The following HMGXB3 variants were observed in gnomAD, a reference collection of about 807,000 sequenced individuals.
HMGXB3 encodes the protein HMG-box containing 3.
HMGXB3 carries 45 observed loss-of-function variants against 121.5 expected under a neutral mutation model. The observed-to-expected ratio is 0.37, with a 90% CI of 0.29 to 0.47. The LOEUF (loss-of-function observed/expected upper bound fraction) is 0.47. HMGXB3 is among the 20% of genes least tolerant of loss of function. The pLI, the probability that HMGXB3 is intolerant of heterozygous loss-of-function variation, is 0.99. For missense variants in HMGXB3, 1,376 were observed against 1,602.2 expected (o/e 0.86, Z 2.41); for synonymous variants, 590 against 624.1 (o/e 0.95, Z 0.81).
chr5:150,027,077 G>T lies in HMGXB3; in HGVS notation c.1694G>T (p.Gly565Val), dbSNP rs899375947. 3 of 1,551,554 alleles carry T rather than the reference G, an allele frequency of 1.9e-6. No individual in the cohort carries two copies. In the African/African-American group the frequency reaches 4.1e-5, roughly 21 times the overall value. The change falls in exon 9 of 20, where the codon GGC becomes GTC. Residue 565 changes from glycine (G) to valine (V), a missense_variant. By Grantham distance (109) the Gly-to-Val change is moderately radical. Transcript: ENST00000502717. ...AAGCCAAGCACACTGAAGCAGCTGG[G>T]CCAGCCCATTCAACAGCCATCTGGC... ...GLKPSTLKQL[G>V]QPIQQPSGPG...
intron 6 of HMGXB3, among the ~76,000 whole-genome samples, chr5:150,023,269 G>A (rs918172244): frequency 6.6e-6 from 1 of 152,052 alleles, no homozygotes; most frequent in Non-Finnish European, 1.5e-5. Context: ...TAATGTGCAG[G>A]GAGGTCCTAC....
At chr5:150,011,081 C>T (rs1480310725) in intron 4 of HMGXB3, among the ~76,000 whole-genome samples, 1 of 152,204 alleles carries the variant, frequency 6.6e-6, no homozygotes, top group African/African-American at 2.4e-5. Flanking sequence ...GCTTGTCCAT[C>T]ACACTGGCTC....
intron 1 of HMGXB3, among the ~76,000 whole-genome samples, chr5:150,001,711 T>A (rs1203383425): frequency 6.6e-6 from 1 of 152,172 alleles, no homozygotes; most frequent in Non-Finnish European, 1.5e-5. Flanking sequence ...GCCTCGAGTC[T>A]GATAACAAAC....
intron 5 of HMGXB3, chr5:150,015,007 A>C: frequency 1.5e-6 from 1 of 677,264 alleles, no homozygotes; most frequent in Non-Finnish European, 2.2e-6. Context: ...TGCGAATACC[A>C]AACCACCAAT....
chr5:150,036,767 G>C lies in HMGXB3; in HGVS notation c.2115G>C (p.Glu705Asp). Residue 705 changes from glutamate (E) to aspartate (D), a missense_variant, in exon 12 of 20, where the codon GAG (glutamate) becomes GAC (aspartate). This residue lies in a region of HMGXB3 where 1,116 missense variants were observed against 1,369.0 expected (regional missense o/e 0.82). Transcript: ENST00000502717. ...TGCAGATTCCTGAGAATGAGTCAGA[G>C]CTGGCTGAGGTCTTCGCCTTGATTC... The part of the protein sequence containing the change: ...KVLQIPENES[E>D]LAEVFALIHE... 1 of 1,551,756 alleles carries C rather than the reference G, an allele frequency of 6.4e-7. No individual in the cohort carries two copies. The highest frequency in any genetic ancestry group is 8.7e-7 in the Non-Finnish European group (1 of 1,147,018).
Position 150,010,237 on chromosome 5 carries a change from C to T in HMGXB3, c.439C>T (p.Leu147=), listed in dbSNP as rs1444447010. The T allele has an allele frequency of 6.4e-7, 1 of 1,551,912 alleles. No homozygotes were observed. Among genetic ancestry groups the T allele is most frequent in the South Asian group, 1.2e-5 (1 of 84,060 alleles). The change falls in exon 4 of 20, where the codon CTA becomes TTA. Residue 147 remains leucine, a synonymous_variant. Transcript: ENST00000502717. ...SLQEDRSCPQ[L]ELCVAQNQMS... is the part of the protein sequence containing the mutation. ...GCAGGAGGACCGGAGCTGCCCTCAG[C>T]TAGAGCTATGTGTGGCTCAGAACCA...
chr5:150,050,279 C>A lies in HMGXB3; in HGVS notation c.3229C>A (p.Arg1077=), dbSNP rs1220466547. Residue 1077 remains arginine (R), a synonymous_variant, in exon 19 of 20, where the codon CGA becomes AGA. Transcript: ENST00000502717. ...GGTCTGCGGCTCCAAGTATCTTGTG[C>A]GAGGTGAGAGTGCCCGTGACCATGT... ...QVVCGSKYLV[R]GESARDHVDL... 6.4e-7 allele frequency: 1 copy of A among 1,551,830 alleles called. No homozygotes were observed. Among genetic ancestry groups the A allele is most frequent in the East Asian group, 2.4e-5 (1 of 40,916 alleles).
chr5:150,017,188 C>T (rs1472558571), intron 5 of HMGXB3, among the ~76,000 whole-genome samples: 1 of 152,110 alleles, frequency 6.6e-6, no homozygotes, highest in Non-Finnish European at 1.5e-5. Flanking sequence ...TTCCTAAAGT[C>T]ATTTCTCTAG....
chr5:150,012,799 T>C (rs770680856), intron 5 of HMGXB3, among the ~76,000 whole-genome samples: 23 of 152,222 alleles, frequency 1.5e-4, no homozygotes, highest in Non-Finnish European at 3.2e-4. Flanking sequence ...TCCCAGTTGA[T>C]ATTTTTTTCA....
intron 1 of HMGXB3, among the ~76,000 whole-genome samples, chr5:150,004,221 C>T (rs1048338890): frequency 1.3e-5 from 2 of 152,080 alleles, no homozygotes; most frequent in Admixed American, 1.3e-4. Flanking sequence ...TGAGTCTTAT[C>T]ACTATAAATC....
At chr5:150,026,605 A>G in intron 7 of HMGXB3, 101 bp from the exon 8 acceptor site, 9 of 993,876 alleles carry the variant, frequency 9.1e-6, no homozygotes, top group Non-Finnish European at 1.3e-5. Context: ...TGACAGTTTA[A>G]CCCCAATACT....
At chr5:150,022,699 G>C (rs754531968) in intron 6 of HMGXB3, among the ~76,000 whole-genome samples, 2 of 152,022 alleles carry the variant, frequency 1.3e-5, no homozygotes, top group Non-Finnish European at 2.9e-5. Context: ...CAGTAAATAA[G>C]CTCTGTGCAC....
intron 4 of HMGXB3, among the ~76,000 whole-genome samples, chr5:150,011,907 C>T (rs529961434): frequency 6.6e-5 from 10 of 152,230 alleles, no homozygotes; most frequent in South Asian, 2.1e-4. Flanking sequence ...CCGCCGTGCC[C>T]GGCCGCCACT....
Position 150,040,788 on chromosome 5 carries a change from C to G in HMGXB3, c.2454C>G (p.Asp818Glu). ...NVGNKLLVSL[D>E]LLFAIRNQIK... ...GGAACAAGCTGCTGGTAAGCCTGGA[C>G]TTGCTTTTTGCAATCAGAAATCAGA... The change falls in exon 14 of 20, where the codon GAC becomes GAG. Residue 818 changes from aspartate to glutamate, a missense_variant. Asp to Glu is a conservative substitution (Grantham distance 45, BLOSUM62 2). Coordinates refer to ENST00000502717, the MANE Select transcript of HMGXB3 (RefSeq NM_014983.3). 1 of 1,552,122 alleles carries G rather than the reference C, an allele frequency of 6.4e-7. No individual in the cohort carries two copies. Among genetic ancestry groups the G allele is most frequent in the Non-Finnish European group, 8.7e-7 (1 of 1,147,070 alleles).
At chr5:150,040,625 G>C (rs1231275116) in intron 13 of HMGXB3, 123 bp from the exon 14 acceptor site, 1 of 937,846 alleles carries the variant, frequency 1.1e-6, no homozygotes, top group Non-Finnish European at 1.6e-6. Context: ...CGATCCTCCT[G>C]CCTCATCCTC....
chr5:150,046,563 A>G (rs2113761683), intron 16 of HMGXB3, among the ~76,000 whole-genome samples: 2 of 152,300 alleles, frequency 1.3e-5, no homozygotes, highest in Middle Eastern at 6.8e-3. Context: ...CTGTAATCCC[A>G]GCACTTTGGG....
In HMGXB3 at chr5:150,052,217, A is replaced by G. The variant is rs1056727964; in HGVS notation, c.*25A>G. On this transcript the variant is annotated 3_prime_UTR_variant, in exon 20 of 20. Transcript: ENST00000502717. ...AGCCAGGCTGTTGTACAGGGACTAC[A>G]CCATCTCTCAAGCCATAGTAAGGCC... 11 of 1,491,626 alleles carry G rather than the reference A, an allele frequency of 7.4e-6. No individual in the cohort carries two copies. The highest frequency in any genetic ancestry group is 1.3e-5 in the South Asian group (1 of 79,826). 92.4% of individuals were successfully genotyped at this position (1,491,626 alleles called of 1,614,324 possible).
chr5:150,006,498 G>A lies in HMGXB3; in HGVS notation c.163G>A (p.Asp55Asn), dbSNP rs1298243838. 4 of 1,551,532 alleles carry A rather than the reference G, an allele frequency of 2.6e-6. No individual in the cohort carries two copies. The highest frequency in any genetic ancestry group is 2.6e-6 in the Non-Finnish European group (3 of 1,146,968). Residue 55 changes from aspartate (D) to asparagine (N), a missense_variant, in exon 3 of 20, where the codon GAC (aspartate) becomes AAC (asparagine). Transcript: ENST00000502717. ...GTCTGCTTACCTTCTGTACTATTAC[G>A]ACATCTACCTGAAAGTGCAGCAGGA... ...PRSAYLLYYY[D>N]IYLKVQQELP...
Position 150,015,400 on chromosome 5 carries a change from C to G in HMGXB3, c.909+3047C>G, listed in dbSNP as rs1476255311. On this transcript the variant is annotated intron_variant, in intron 5 of 19. Transcript: ENST00000502717. The stretch of plus-strand genomic sequence containing the variant: ...ACTTCCTGGGATCCACCTACCTGCC[C>G]CAGTCTCTCAGGTAGCTGGGACCAC... Among the ~76,000 whole-genome samples, 3 of 152,190 alleles carry G rather than the reference C, an allele frequency of 2.0e-5. No individual in the cohort carries two copies. In the East Asian group the frequency reaches 5.8e-4, roughly 29 times the overall value.
Sources: allele counts gnomAD v4.1 joint callset (sites outside exome capture counted in the v4.1 genomes callset), GRCh38; gene constraint gnomAD v4.1.1; regional missense constraint gnomAD v4.1.1; transcripts MANE v1.5; gene names NCBI Gene and HGNC (gene_info 2026-07-23, HGNC 2026-07-21).